The following RAP1A variants were observed in gnomAD, a reference collection of about 807,000 sequenced individuals.
RAP1A encodes the protein RAP1A, member of RAS oncogene family.
RAP1A carries 6 observed loss-of-function variants against 26.4 expected under a neutral mutation model. The observed-to-expected ratio is 0.23, with a 90% CI of 0.12 to 0.45. The LOEUF is 0.45. RAP1A is among the 20% of genes least tolerant of loss of function. The pLI is 0.99. For synonymous variants in RAP1A, 73 were observed against 79.4 expected (o/e 0.92, Z 0.43); for missense variants, 121 against 217.2 (o/e 0.56, Z 2.78).
intron 1 of RAP1A, among the ~76,000 whole-genome samples, chr1:111,552,458 G>A (rs557762961): frequency 8.7e-4 from 133 of 152,276 alleles, no homozygotes; most frequent in Middle Eastern, 6.8e-3. Context: ...TGAAAAAGTA[G>A]ATTCTGATCA....
At chr1:111,542,962 G>A (rs1656893482) in intron 1 of RAP1A, among the ~76,000 whole-genome samples, 1 of 152,144 alleles carries the variant, frequency 6.6e-6, no homozygotes, top group Non-Finnish European at 1.5e-5. Context: ...CTCCCAAAGT[G>A]CTGGGATTAC....
At chr1:111,636,205 C>T (rs1229887681) in intron 1 of RAP1A, among the ~76,000 whole-genome samples, 3 of 152,022 alleles carry the variant, frequency 2.0e-5, no homozygotes, top group Admixed American at 6.6e-5. Flanking sequence ...CCAACAGTGA[C>T]GTGACTTTTG....
At chr1:111,577,797 C>T (rs1470208521) in intron 1 of RAP1A, among the ~76,000 whole-genome samples, 2 of 152,280 alleles carry the variant, frequency 1.3e-5, no homozygotes, top group African/African-American at 4.8e-5. Context: ...CACTTAATTA[C>T]ATTCTTCCCA....
chr1:111,595,330 G>A (rs893535330), intron 1 of RAP1A, among the ~76,000 whole-genome samples: 1 of 152,086 alleles, frequency 6.6e-6, no homozygotes, highest in African/African-American at 2.4e-5. Flanking sequence ...AGATTCCTCG[G>A]GCTGTAGGAG....
chr1:111,587,381 T>A (rs1658389242), intron 1 of RAP1A, among the ~76,000 whole-genome samples: 1 of 152,180 alleles, frequency 6.6e-6, no homozygotes, highest in Non-Finnish European at 1.5e-5. Flanking sequence ...CTGAGCTCCA[T>A]CAACAACACC....
chr1:111,574,142 A>C (rs955342562), intron 1 of RAP1A, among the ~76,000 whole-genome samples: 1 of 152,206 alleles, frequency 6.6e-6, no homozygotes, highest in Non-Finnish European at 1.5e-5. Context: ...TATATAGTGT[A>C]AAGAAGGGGT....
intron 1 of RAP1A, among the ~76,000 whole-genome samples, chr1:111,620,841 G>GTTGTGTAA (rs1316326045): frequency 3.9e-5 from 6 of 152,140 alleles, no homozygotes; most frequent in Non-Finnish European, 4.4e-5. Flanking sequence ...CTTCAGCCGA[G>GTTGTGTAA]TTGTGTAATT....
chr1:111,650,249 T>C (rs1660222747), intron 1 of RAP1A, among the ~76,000 whole-genome samples: 1 of 152,116 alleles, frequency 6.6e-6, no homozygotes, highest in South Asian at 2.1e-4. Context: ...CTGAGATAAA[T>C]AGCTAGTTAT....
chr1:111,627,391 T>A (rs911554222), intron 1 of RAP1A: 13 of 152,192 alleles, frequency 8.5e-5, no homozygotes, highest in Non-Finnish European at 1.5e-4. Context: ...ATAATATTAC[T>A]GTTTTAAATA....
Position 111,691,556 on chromosome 1 carries a change from A to T in RAP1A, c.57+139A>T, listed in dbSNP as rs562995943. On this transcript the variant is annotated intron_variant, in intron 2 of 7. Coordinates refer to ENST00000369709, the MANE Select transcript of RAP1A (RefSeq NM_002884.4). ...GATATCTGTCCCACAAAGGACAGGA[A>T]ATCATTTAATAACCACAGATGTATA... 4.5e-5 allele frequency: 32 copies of T among 711,426 alleles called. No homozygotes were observed. The East Asian group carries it at 8.5e-4, about 19-fold the overall frequency. The allele number at this position is 711,426 out of a possible 1,614,324, so 44.1% of individuals were successfully genotyped here.
intron 3 of RAP1A, among the ~76,000 whole-genome samples, chr1:111,695,764 A>G (rs1051911587): frequency 6.6e-6 from 1 of 152,204 alleles, no homozygotes; most frequent in African/African-American, 2.4e-5. Context: ...GTGACTGAAC[A>G]TTTTTATTTT....
chr1:111,695,821 T>C (rs769886111), intron 3 of RAP1A, among the ~76,000 whole-genome samples: 5 of 152,228 alleles, frequency 3.3e-5, no homozygotes, highest in Non-Finnish European at 4.4e-5. Flanking sequence ...ACCAAAAAAT[T>C]AGAGTCTGTG....
chr1:111,595,022 T>A (rs1658539698), intron 1 of RAP1A, among the ~76,000 whole-genome samples: 1 of 152,260 alleles, frequency 6.6e-6, no homozygotes, highest in African/African-American at 2.4e-5. Context: ...TTGTGTATGC[T>A]GCTTTTTGCT....
rs190050150 is a variant in RAP1A, at chr1:111,545,426, C to A, written c.-28+2917C>A. On this transcript the variant is annotated intron_variant, in intron 1 of 7. Coordinates refer to the RAP1A transcript ENST00000356415. ...ATTGATCATTTGTATATTTTCTTTGCAGAAATATCTGTTCGAGTCCTTTGC... is the reference window on the plus strand; with the variant it reads ...ATTGATCATTTGTATATTTTCTTTGAAGAAATATCTGTTCGAGTCCTTTGC... Among the ~76,000 whole-genome samples, 249 of 152,128 alleles carry A rather than the reference C, an allele frequency of 1.6e-3. 1 individual carries two copies. Among genetic ancestry groups the A allele is most frequent in the African/African-American group, 5.9e-3 (246 of 41,540 alleles).
intron 1 of RAP1A, among the ~76,000 whole-genome samples, chr1:111,577,401 CAAAAAAAAAAAAAAAA>C (rs56156855): frequency 6.9e-5 from 2 of 29,040 alleles, no homozygotes; most frequent in African/African-American, 1.3e-4. Flanking sequence ...GACTCCATCG[CAAAAAAAAAAAAAAAA>C]AAAAAAAAAA....
At chr1:111,623,612 T>C (rs1023010410) in intron 1 of RAP1A, among the ~76,000 whole-genome samples, 145 of 152,302 alleles carry the variant, frequency 9.5e-4, no homozygotes, top group Admixed American at 1.5e-3. Flanking sequence ...AGTTTCACCA[T>C]GTTGGTCAGG....
At chr1:111,572,289 T>C (rs116624432) in intron 1 of RAP1A, among the ~76,000 whole-genome samples, 8,046 of 152,308 alleles carry the variant, frequency 0.053, 287 homozygotes, top group Middle Eastern at 0.11. Context: ...TCAGAGAGGA[T>C]TGCCTGGGCC....
chr1:111,597,432 C>T (rs1658582658), intron 1 of RAP1A, among the ~76,000 whole-genome samples: 1 of 152,136 alleles, frequency 6.6e-6, no homozygotes. Flanking sequence ...ATGAACATTA[C>T]AAGTGGATTT....
At chr1:111,691,641 A>G (rs561800944) in intron 2 of RAP1A, among the ~76,000 whole-genome samples, 1 of 152,350 alleles carries the variant, frequency 6.6e-6, no homozygotes, top group South Asian at 2.1e-4. Context: ...TGGCTATCTT[A>G]TATGTCAAGC....
Sources: allele counts gnomAD v4.1 joint callset (sites outside exome capture counted in the v4.1 genomes callset), GRCh38; gene constraint gnomAD v4.1.1; transcripts MANE v1.5; gene names NCBI Gene and HGNC (gene_info 2026-07-23, HGNC 2026-07-21).